Variants in NLRP8 observed in about 807,000 individuals in gnomAD.
The protein encoded by NLRP8 is NLR family pyrin domain containing 8, also known as NACHT, LRR and PYD domains-containing protein 8.
NLRP8 carries 86 observed loss-of-function variants against 88.7 expected under a neutral mutation model. That is an observed-to-expected ratio of 0.97 (90% confidence interval 0.81 to 1.16). The LOEUF is 1.16. NLRP8 is among the 50% of genes most tolerant of loss of function. The pLI, the probability that NLRP8 is intolerant of heterozygous loss-of-function variation, is 0.00. For missense variants in NLRP8, 1,342 were observed against 1,286.5 expected (o/e 1.04, Z -0.66); for synonymous variants, 504 against 494.6 (o/e 1.02, Z -0.25).
In NLRP8 at chr19:55,955,708, CTA is replaced by C; in HGVS notation, c.1652_1653del (p.Tyr551SerfsTer32). 1 of 1,613,964 alleles carries C rather than the reference CTA, an allele frequency of 6.2e-7. No homozygotes were observed. Among genetic ancestry groups the C allele is most frequent in the South Asian group, 1.1e-5 (1 of 91,080 alleles). ...TAGCGAGTCCCAGAGGAAGCAAAAG[CTA>C]TCTCTCTCACATGGGACTTTTCTTA... On this transcript the variant is annotated frameshift_variant, in exon 3 of 10. Transcript: ENST00000291971. LOFTEE classifies it high-confidence loss of function.
intron 3 of NLRP8, among the ~76,000 whole-genome samples, chr19:55,958,124 G>A (rs565608808): frequency 2.0e-5 from 3 of 152,234 alleles, no homozygotes; most frequent in African/African-American, 7.2e-5. Context: ...TGGCTATGAC[G>A]AGAAGAGAGA....
intron 3 of NLRP8, among the ~76,000 whole-genome samples, chr19:55,960,330 T>C (rs980233931): frequency 6.6e-6 from 1 of 152,068 alleles, no homozygotes; most frequent in Non-Finnish European, 1.5e-5. Context: ...CATCAGACCA[T>C]GTTTTTTTCA....
Position 55,962,246 on chromosome 19 carries a change from A to G in NLRP8, c.2213+9A>G, listed in dbSNP as rs777910186. 11 of 1,609,196 alleles carry G rather than the reference A, an allele frequency of 6.8e-6. No individual in the cohort carries two copies. In the East Asian group the frequency reaches 2.2e-4, roughly 33 times the overall value. Reference sequence around the variant, plus strand: ...AAACTGCAAAAGCTACTGTGAGTATAACACAAATCCCACTGGAAGGAACTT... The same window carrying G: ...AAACTGCAAAAGCTACTGTGAGTATGACACAAATCCCACTGGAAGGAACTT... On this transcript the variant is annotated intron_variant, in intron 4 of 9. Transcript: ENST00000291971.
chr19:55,970,454 A>T (rs1600309316), intron 5 of NLRP8, 90 bp from the exon 6 acceptor site: 1 of 1,415,066 alleles, frequency 7.1e-7, no homozygotes, highest in East Asian at 2.3e-5. Flanking sequence ...TGCTGTGAAG[A>T]CTGAGACATG....
At chr19:55,972,521 C>A (rs183548744) in intron 6 of NLRP8, among the ~76,000 whole-genome samples, 1 of 151,670 alleles carries the variant, frequency 6.6e-6, no homozygotes, top group Admixed American at 6.6e-5. Context: ...GATTTTTGCA[C>A]GCCCAACATC....
At chr19:55,966,190 A>G (rs758959042) in intron 4 of NLRP8, 23 bp from the exon 5 acceptor site, 4 of 1,610,504 alleles carry the variant, frequency 2.5e-6, no homozygotes, top group African/African-American at 1.3e-5. Flanking sequence ...CCCTATTCCA[A>G]GGAGACGCTC....
chr19:55,950,548 C>G (rs1438198700), intron 1 of NLRP8, among the ~76,000 whole-genome samples: 1 of 152,176 alleles, frequency 6.6e-6, no homozygotes, highest in African/African-American at 2.4e-5. Context: ...TCAATACTTA[C>G]AGCGCTTTCA....
chr19:55,958,109 C>T (rs1014686283), intron 3 of NLRP8, among the ~76,000 whole-genome samples: 11 of 152,168 alleles, frequency 7.2e-5, no homozygotes, highest in South Asian at 2.1e-4. Context: ...AAAATTTGAC[C>T]CCCGTGGCTA....
intron 4 of NLRP8, among the ~76,000 whole-genome samples, chr19:55,964,897 A>C (rs1979772314): frequency 2.0e-5 from 3 of 152,216 alleles, no homozygotes; most frequent in African/African-American, 7.2e-5. Flanking sequence ...TACCTCAAGG[A>C]AACTGTTTTT....
rs764844724 is a variant in NLRP8 at position 55,947,853 on chromosome 19, A to G, written c.-50A>G. The G allele has an allele frequency of 3.2e-6, 5 of 1,550,044 alleles. No homozygotes were observed. The South Asian group carries it at 5.0e-5, about 15-fold the overall frequency. Reference sequence around the variant, plus strand: ...GCAGGTCTCGTGTTTCTCTCTTCCAATCGGTTGTCTTTATCGTGGACACTG... The same window carrying G: ...GCAGGTCTCGTGTTTCTCTCTTCCAGTCGGTTGTCTTTATCGTGGACACTG... On this transcript the variant is annotated 5_prime_UTR_variant, in exon 1 of 10. Transcript: ENST00000291971.
intron 9 of NLRP8, 135 bp downstream of exon 9, chr19:55,979,699 G>A (rs1024954991): frequency 4.2e-5 from 39 of 924,354 alleles, no homozygotes; most frequent in Admixed American, 7.8e-5. Context: ...CAGGCAGATC[G>A]CTTGAGTCTG....
At chr19:55,949,492 C>T (rs1284303592) in intron 1 of NLRP8, among the ~76,000 whole-genome samples, 2 of 152,142 alleles carry the variant, frequency 1.3e-5, no homozygotes, top group Admixed American at 6.6e-5. Context: ...CCTGCCTCGG[C>T]CTCCCAAAGT....
intron 1 of NLRP8, 129 bp from the exon 2 acceptor site, chr19:55,952,409 G>A (rs1464305899): frequency 2.9e-6 from 2 of 686,888 alleles, no homozygotes; most frequent in Admixed American, 4.5e-5. Flanking sequence ...CTGAACGGAG[G>A]TGGTGAGAGG....
chr19:55,976,197 A>G lies in NLRP8; in HGVS notation c.2770A>G (p.Lys924Glu). The stretch of plus-strand genomic sequence containing the variant: ...TATGATCTCTGCGCTCTGTAAAAAT[A>G]AAACCCTGAAAAGTCTTGACCTAAG... Residue 924 changes from lysine to glutamate, a missense_variant, in exon 8 of 10, where the codon AAA becomes GAA. Coordinates refer to ENST00000291971, the MANE Select transcript of NLRP8 (RefSeq NM_176811.2). 1.2e-6 allele frequency: 2 copies of G among 1,613,792 alleles called. No homozygotes were observed. Among genetic ancestry groups the G allele is most frequent in the Non-Finnish European group, 1.7e-6 (2 of 1,179,932 alleles).
intron 3 of NLRP8, among the ~76,000 whole-genome samples, chr19:55,960,983 C>A (rs963277365): frequency 1.4e-5 from 2 of 143,216 alleles, no homozygotes; most frequent in East Asian, 4.1e-4. Flanking sequence ...CTCACTGCAA[C>A]CTCCGCCTCC....
intron 7 of NLRP8, among the ~76,000 whole-genome samples, chr19:55,974,479 T>G (rs1293324465): frequency 6.6e-6 from 1 of 152,064 alleles, no homozygotes; most frequent in Non-Finnish European, 1.5e-5. Context: ...GGCTCACTGT[T>G]TTGGGAGGCC....
chr19:55,970,453 G>A, intron 5 of NLRP8, 91 bp from the exon 6 acceptor site: 1 of 1,413,594 alleles, frequency 7.1e-7, no homozygotes, highest in South Asian at 1.3e-5. Context: ...CTGCTGTGAA[G>A]ACTGAGACAT....
chr19:55,956,848 A>G lies in NLRP8; in HGVS notation c.2042+748A>G, dbSNP rs535074955. On this transcript the variant is annotated intron_variant, in intron 3 of 9. Coordinates refer to ENST00000291971, the MANE Select transcript of NLRP8 (RefSeq NM_176811.2). ...GTCTCTTTCTGTCACCCAGGAAGGCAGTGGTACGATCGTGGCTCACTGCAA... is the reference window on the plus strand; with the variant it reads ...GTCTCTTTCTGTCACCCAGGAAGGCGGTGGTACGATCGTGGCTCACTGCAA... Among the ~76,000 whole-genome samples, 16 of 152,200 alleles carry G rather than the reference A, an allele frequency of 1.1e-4. No individual in the cohort carries two copies. The South Asian group carries it at 3.3e-3, about 32-fold the overall frequency.
chr19:55,976,350 T>A (rs1980323651), intron 8 of NLRP8, 47 bp downstream of exon 8: 3 of 1,470,812 alleles, frequency 2.0e-6, no homozygotes, highest in Non-Finnish European at 1.8e-6. Flanking sequence ...GAATTGTATA[T>A]AAGCGTCTCT....
Sources: gnomAD v4.1 joint callset for allele counts (sites outside exome capture counted in the v4.1 genomes callset) on GRCh38, gnomAD v4.1.1 for gene constraint, MANE v1.5 for transcripts, NCBI Gene and HGNC (gene_info 2026-07-23, HGNC 2026-07-21) for gene names.